FARS2: variants seen among roughly 807,000 people sequenced by gnomAD.
FARS2 encodes the protein phenylalanyl-tRNA synthetase 2, mitochondrial.
Under a neutral mutation model 46.4 loss-of-function variants are expected in FARS2, and 40 were observed. The ratio of observed to expected loss-of-function variants is 0.86; its 90% CI spans 0.67 to 1.12. FARS2 has a LOEUF of 1.12. Among genes scored for constraint, FARS2 ranks in the 50% most tolerant of loss-of-function variants. The pLI, the probability that FARS2 is intolerant of heterozygous loss-of-function variation, is 0.00. For synonymous variants in FARS2, 234 were observed against 214.9 expected, an observed-to-expected ratio of 1.09 and a Z score of -0.78; for missense variants, 513 against 567.9, an observed-to-expected ratio of 0.90 and a Z score of 0.98.
At chr6:5,735,052 T>C (rs995710476) in intron 6 of FARS2, among the ~76,000 whole-genome samples, 4 of 152,264 alleles carry the variant, frequency 2.6e-5, no homozygotes, top group Non-Finnish European at 5.9e-5. Context: ...TTTTGTGGAT[T>C]ATATTAAAAT....
At chr6:5,429,688 G>A (rs1763053169) in intron 3 of FARS2, among the ~76,000 whole-genome samples, 1 of 152,126 alleles carries the variant, frequency 6.6e-6, no homozygotes, top group Non-Finnish European at 1.5e-5. Context: ...ACGCGTGCTT[G>A]TAGTCCCAGC....
At position 5,267,551 on chromosome 6, in the gene FARS2, C is replaced by A. The variant is rs540280224; in HGVS notation, c.-22+5891C>A. On this transcript the variant is annotated intron_variant, in intron 1 of 6. Coordinates refer to ENST00000274680, the MANE Select transcript of FARS2 (RefSeq NM_006567.5). ...GAATCACGAGGTCAGGAGATGGAGACCATCCTGGCTAACACAGTGAAAACC... is the reference window on the plus strand; with the variant it reads ...GAATCACGAGGTCAGGAGATGGAGAACATCCTGGCTAACACAGTGAAAACC... Among the ~76,000 whole-genome samples the A allele has an allele frequency of 1.8e-4, 27 of 151,974 alleles. No homozygotes were observed. The South Asian group carries it at 5.6e-3, about 32-fold the overall frequency.
chr6:5,629,501 G>A lies in FARS2; in HGVS notation c.1217+16181G>A, dbSNP rs558540399. On this transcript the variant is annotated intron_variant, in intron 6 of 6. Transcript: ENST00000274680. ...CAGACAGAAATGTAAGAGTGAAGTA[G>A]TGTGAGCAGCATAATAGGGAGGATG... Among the ~76,000 whole-genome samples, 5 of 152,310 alleles carry A rather than the reference G, an allele frequency of 3.3e-5. No individual in the cohort carries two copies. The East Asian group carries it at 7.7e-4, about 23-fold the overall frequency.
intron 6 of FARS2, among the ~76,000 whole-genome samples, chr6:5,725,119 C>T (rs945160840): frequency 6.6e-6 from 1 of 152,236 alleles, no homozygotes; most frequent in Non-Finnish European, 1.5e-5. Flanking sequence ...CGTGGGATTT[C>T]CATGAAATCT....
At chr6:5,483,544 G>A (rs1276418124) in intron 4 of FARS2, among the ~76,000 whole-genome samples, 1 of 152,094 alleles carries the variant, frequency 6.6e-6, no homozygotes, top group Non-Finnish European at 1.5e-5. Flanking sequence ...GTACATACCT[G>A]TAGTCCCAGC....
intron 4 of FARS2, among the ~76,000 whole-genome samples, chr6:5,479,737 A>G (rs558158839): frequency 9.2e-5 from 14 of 152,370 alleles, no homozygotes; most frequent in African/African-American, 3.4e-4. Context: ...ATTTAAAAAA[A>G]TCATTCTGGT....
At chr6:5,736,321 T>G (rs1008201987) in intron 6 of FARS2, among the ~76,000 whole-genome samples, 2 of 152,210 alleles carry the variant, frequency 1.3e-5, no homozygotes, top group African/African-American at 4.8e-5. Context: ...TTCTGCCATA[T>G]TCTCTTGAAC....
intron 4 of FARS2, among the ~76,000 whole-genome samples, chr6:5,528,467 A>G (rs746393242): frequency 2.0e-4 from 30 of 152,180 alleles, no homozygotes; most frequent in Admixed American, 3.9e-4. Context: ...CACTCATGGC[A>G]CTGATTTGCA....
In FARS2 at chr6:5,562,716, AC is replaced by A. The variant is rs1329663216; in HGVS notation, c.1065+17377del. ...TTTATACACACACACACACACACAC[AC>A]ACACACACACAGTGTTTTTCATTGT... is the stretch of plus-strand genomic sequence containing the variant. On this transcript the variant is annotated intron_variant, in intron 5 of 6. Transcript: ENST00000274680. Among the ~76,000 whole-genome samples, 104 of 152,046 alleles carry A rather than the reference AC, an allele frequency of 6.8e-4. 2 individuals are homozygous for A. The highest frequency in any genetic ancestry group is 6.2e-4 in the Non-Finnish European group (42 of 67,974).
At chr6:5,617,213 A>T (rs930432694) in intron 6 of FARS2, among the ~76,000 whole-genome samples, 4 of 152,242 alleles carry the variant, frequency 2.6e-5, no homozygotes, top group Admixed American at 1.3e-4. Context: ...CCCCATACTG[A>T]CCTGCTAAAA....
intron 6 of FARS2, among the ~76,000 whole-genome samples, chr6:5,689,294 G>A (rs1757499382): frequency 1.3e-5 from 2 of 152,140 alleles, no homozygotes; most frequent in South Asian, 2.1e-4. Context: ...TGATGTTAGG[G>A]TGTCAATTTT....
At chr6:5,363,700 G>A (rs951956921) in intron 1 of FARS2, among the ~76,000 whole-genome samples, 9 of 152,108 alleles carry the variant, frequency 5.9e-5, no homozygotes, top group Non-Finnish European at 8.8e-5. Flanking sequence ...AAACAGGCCC[G>A]TTTCCTTCTA....
intron 6 of FARS2, among the ~76,000 whole-genome samples, chr6:5,670,381 C>T (rs1300442140): frequency 2.0e-5 from 3 of 152,202 alleles, no homozygotes; most frequent in Admixed American, 6.5e-5. Context: ...ACTTACTAAA[C>T]ATTTACTTAC....
chr6:5,695,554 A>C lies in FARS2; in HGVS notation c.1218-75737A>C, dbSNP rs542439734. 9.2e-5 allele frequency among the ~76,000 whole-genome samples: 14 copies of C among 152,356 alleles called. No homozygotes were observed. The East Asian group carries it at 2.7e-3, about 29-fold the overall frequency. On this transcript the variant is annotated intron_variant, in intron 6 of 6. Transcript: ENST00000274680. Reference sequence around the variant, plus strand: ...ACTTGGTCTTGACGAGAAGCCTTTAAAGGCACTTTTATTATCCCAATTTTA... The same window carrying C: ...ACTTGGTCTTGACGAGAAGCCTTTACAGGCACTTTTATTATCCCAATTTTA...
chr6:5,484,103 T>C (rs1353168599), intron 4 of FARS2, among the ~76,000 whole-genome samples: 1 of 152,046 alleles, frequency 6.6e-6, no homozygotes, highest in Non-Finnish European at 1.5e-5. Flanking sequence ...TGAGACCCTG[T>C]CTCTAAAAGT....
intron 5 of FARS2, among the ~76,000 whole-genome samples, chr6:5,569,423 G>C (rs1206723282): frequency 6.6e-6 from 1 of 152,010 alleles, no homozygotes; most frequent in Non-Finnish European, 1.5e-5. Context: ...AGTTTTTGTG[G>C]AGATGGGGTT....
intron 5 of FARS2, 47 bp from the exon 6 acceptor site, chr6:5,613,122 C>T: frequency 6.5e-7 from 1 of 1,527,484 alleles, no homozygotes; most frequent in Non-Finnish European, 8.9e-7. Flanking sequence ...TAAATATTCT[C>T]ATTCAACTAA....
intron 6 of FARS2, among the ~76,000 whole-genome samples, chr6:5,645,374 T>C (rs1413831319): frequency 3.9e-5 from 6 of 152,212 alleles, no homozygotes; most frequent in Admixed American, 3.9e-4. Flanking sequence ...TAAATTGAGC[T>C]GTGTGGTTGA....
At chr6:5,629,598 TG>T (rs1222728436) in intron 6 of FARS2, among the ~76,000 whole-genome samples, 16 of 152,146 alleles carry the variant, frequency 1.1e-4, no homozygotes, top group Middle Eastern at 3.2e-3. Context: ...TATAAAAATG[TG>T]GGCTTTCCTG....
Sources: gnomAD v4.1 joint callset for allele counts (sites outside exome capture counted in the v4.1 genomes callset) on GRCh38, gnomAD v4.1.1 for gene constraint, MANE v1.5 for transcripts, NCBI Gene and HGNC (gene_info 2026-07-23, HGNC 2026-07-21) for gene names.